Variants in KIAA1328 observed in about 807,000 individuals in gnomAD.
The protein encoded by KIAA1328 is KIAA1328, also known as protein hinderin.
Under a neutral mutation model 68.1 loss-of-function variants are expected in KIAA1328, and 52 were observed. That is an observed-to-expected ratio of 0.76 (90% confidence interval 0.61 to 0.96). The LOEUF (loss-of-function observed/expected upper bound fraction) is 0.96. KIAA1328 is among the 40% of genes least tolerant of loss of function. The probability of loss-of-function intolerance (pLI) is 0.00; values close to 1 mark genes in which losing one functional copy is unlikely to be tolerated. For synonymous variants in KIAA1328, 232 were observed against 239.4 expected (o/e 0.97, Z 0.28); for missense variants, 641 against 677.6 (o/e 0.95, Z 0.60).
intron 6 of KIAA1328, among the ~76,000 whole-genome samples, chr18:36,982,026 T>A (rs1259065613): frequency 6.7e-6 from 1 of 148,832 alleles, no homozygotes; most frequent in East Asian, 1.9e-4. Flanking sequence ...AAAAAAGTGA[T>A]TTAACTAAAA....
At chr18:37,079,801 C>T (rs982808363) in intron 7 of KIAA1328, among the ~76,000 whole-genome samples, 2 of 150,602 alleles carry the variant, frequency 1.3e-5, no homozygotes, top group Admixed American at 1.3e-4. Flanking sequence ...GCACGGGAAT[C>T]GCTTGAGTGC....
At chr18:36,978,281 G>A (rs1209132298) in intron 6 of KIAA1328, among the ~76,000 whole-genome samples, 2 of 152,044 alleles carry the variant, frequency 1.3e-5, no homozygotes, top group African/African-American at 4.8e-5. Flanking sequence ...TTTCTGTTGG[G>A]GGCTGGTCAC....
chr18:36,850,559 T>G (rs1317064685), intron 4 of KIAA1328, among the ~76,000 whole-genome samples: 2 of 152,068 alleles, frequency 1.3e-5, no homozygotes, highest in Non-Finnish European at 2.9e-5. Flanking sequence ...TTAGGCACAG[T>G]AGGGGATTAA....
chr18:36,847,119 G>A (rs1017041707), intron 4 of KIAA1328, among the ~76,000 whole-genome samples: 2 of 151,254 alleles, frequency 1.3e-5, no homozygotes, highest in Non-Finnish European at 3.0e-5. Context: ...TTTTATTGTT[G>A]AATAGTATTT....
chr18:36,847,922 C>G (rs896345916), intron 4 of KIAA1328, among the ~76,000 whole-genome samples: 14 of 151,674 alleles, frequency 9.2e-5, no homozygotes, highest in Non-Finnish European at 2.1e-4. Flanking sequence ...TTTCTAGACT[C>G]TTTGTTTCAT....
intron 7 of KIAA1328, chr18:37,075,265 T>C (rs1020959361): frequency 1.3e-5 from 2 of 152,062 alleles, no homozygotes; most frequent in African/African-American, 4.8e-5. Context: ...TAAAATCCTT[T>C]ACAGACAAGC....
Position 36,987,589 on chromosome 18 carries a change from G to A in KIAA1328, c.576+28154G>A, listed in dbSNP as rs904612123. Among the ~76,000 whole-genome samples, 3 of 152,014 alleles carry A rather than the reference G, an allele frequency of 2.0e-5. No homozygotes were observed. In the East Asian group the frequency reaches 5.8e-4, roughly 29 times the overall value. ...AATATAAATCTCTAGAAAAAGCAAA[G>A]TAATCTTCAATGATAGAAAGTAGAT... On this transcript the variant is annotated intron_variant, in intron 6 of 9. Transcript: ENST00000280020.
chr18:37,019,641 A>C (rs2054272441), intron 6 of KIAA1328, among the ~76,000 whole-genome samples: 1 of 152,170 alleles, frequency 6.6e-6, no homozygotes, highest in Non-Finnish European at 1.5e-5. Flanking sequence ...TTACACTCTT[A>C]ATCCAAGTGG....
chr18:37,037,976 C>T (rs535704094), intron 6 of KIAA1328, among the ~76,000 whole-genome samples: 82 of 152,230 alleles, frequency 5.4e-4, no homozygotes, highest in African/African-American at 1.9e-3. Context: ...TGGCACGCGC[C>T]TGTAGTCCCA....
At position 37,030,745 on chromosome 18, in the gene KIAA1328, C is replaced by T. The variant is rs2054791290; in HGVS notation, c.577-36145C>T. On this transcript the variant is annotated intron_variant, in intron 6 of 9. Coordinates refer to ENST00000280020, the MANE Select transcript of KIAA1328 (RefSeq NM_020776.3). ...ATGTGCACAACGTGCAGGTTTGTTA[C>T]ATATGTATACATGTGCCATGTTGGT... Among the ~76,000 whole-genome samples, 3 of 152,176 alleles carry T rather than the reference C, an allele frequency of 2.0e-5. No homozygotes were observed. The South Asian group carries it at 6.2e-4, about 32-fold the overall frequency.
At chr18:37,027,441 A>G (rs1036381644) in intron 6 of KIAA1328, among the ~76,000 whole-genome samples, 22 of 152,258 alleles carry the variant, frequency 1.4e-4, no homozygotes, top group South Asian at 1.0e-3. Context: ...CAAAGCTGGA[A>G]GCATCACGCT....
At chr18:37,186,995 A>G (rs1198926291) in intron 9 of KIAA1328, among the ~76,000 whole-genome samples, 1 of 152,082 alleles carries the variant, frequency 6.6e-6, no homozygotes, top group Non-Finnish European at 1.5e-5. Context: ...CCAACATGGC[A>G]AAACCCCATC....
At chr18:36,861,438 A>G (rs539279299) in intron 4 of KIAA1328, among the ~76,000 whole-genome samples, 8 of 152,280 alleles carry the variant, frequency 5.3e-5, no homozygotes, top group African/African-American at 1.9e-4. Context: ...GACTATTCAA[A>G]TATACTGTTT....
At chr18:37,108,081 A>C (rs2057824416) in intron 7 of KIAA1328, among the ~76,000 whole-genome samples, 1 of 152,224 alleles carries the variant, frequency 6.6e-6, no homozygotes, top group Non-Finnish European at 1.5e-5. Context: ...TTGTACGTTC[A>C]TTACTGCACT....
intron 6 of KIAA1328, among the ~76,000 whole-genome samples, chr18:36,996,907 A>T (rs1417609722): frequency 2.0e-5 from 3 of 152,130 alleles, no homozygotes; most frequent in African/African-American, 4.8e-5. Flanking sequence ...AAACGTTTAG[A>T]TCTGTTAGAA....
At chr18:36,853,522 T>G (rs2047282793) in intron 4 of KIAA1328, among the ~76,000 whole-genome samples, 1 of 152,196 alleles carries the variant, frequency 6.6e-6, no homozygotes, top group South Asian at 2.1e-4. Flanking sequence ...AGTAAATTTG[T>G]GACACTCTAA....
intron 5 of KIAA1328, among the ~76,000 whole-genome samples, chr18:36,937,830 T>A (rs911870488): frequency 6.6e-6 from 1 of 152,112 alleles, no homozygotes; most frequent in African/African-American, 2.4e-5. Context: ...TGAGATGTAC[T>A]GTTTTAGCTC....
At chr18:36,967,560 G>T (rs1303276100) in intron 6 of KIAA1328, among the ~76,000 whole-genome samples, 2 of 152,206 alleles carry the variant, frequency 1.3e-5, no homozygotes, top group African/African-American at 2.4e-5. Context: ...AATAGAGGAA[G>T]AATACACACA....
intron 7 of KIAA1328, among the ~76,000 whole-genome samples, chr18:37,087,503 G>T (rs2057139716): frequency 1.3e-5 from 2 of 152,116 alleles, no homozygotes; most frequent in South Asian, 4.1e-4. Flanking sequence ...ATCTCTTCCT[G>T]CTGAATTGTG....
Sources: allele counts gnomAD v4.1 joint callset (sites outside exome capture counted in the v4.1 genomes callset), GRCh38; gene constraint gnomAD v4.1.1; transcripts MANE v1.5; gene names NCBI Gene and HGNC (gene_info 2026-07-23, HGNC 2026-07-21).